DGKA: variants seen among roughly 807,000 people sequenced by gnomAD.
DGKA encodes diacylglycerol kinase alpha, also known as 80 kDa diacylglycerol kinase.
In DGKA, 35 loss-of-function variants were observed where a neutral mutation model predicts 105.0. That is an observed-to-expected ratio of 0.33 (90% CI 0.25 to 0.44). The LOEUF is 0.44. Among genes scored for constraint, DGKA ranks in the 20% least tolerant of loss-of-function variants. The pLI, the probability that DGKA is intolerant of heterozygous loss-of-function variation, is 1.00. For missense variants in DGKA, 665 were observed against 915.0 expected, an observed-to-expected ratio of 0.73 and a Z score of 3.53; for synonymous variants, 296 against 332.0, an observed-to-expected ratio of 0.89 and a Z score of 1.18.
chr12:55,927,788 G>A (rs1883223668), upstream of DGKA: 1 of 1,537,000 alleles, frequency 6.5e-7, no homozygotes, highest in East Asian at 2.4e-5. Context: ...GACCAGGTTG[G>A]GCGGGCGGCC....
In DGKA at chr12:55,937,948, C is replaced by T. The variant is rs751812250; in HGVS notation, c.275-30C>T. 7.5e-6 allele frequency: 12 copies of T among 1,605,316 alleles called. No homozygotes were observed. The South Asian group carries it at 1.3e-4, about 18-fold the overall frequency. Reference sequence around the variant, plus strand: ...AACATGAGCCAAAGTGGAGGGAGCCCTGACTTCTGATCTGCTTTTTTGTAA... The same window carrying T: ...AACATGAGCCAAAGTGGAGGGAGCCTTGACTTCTGATCTGCTTTTTTGTAA... On this transcript the variant is annotated intron_variant, in intron 4 of 23. Coordinates refer to ENST00000331886, the MANE Select transcript of DGKA (RefSeq NM_001345.5).
chr12:55,952,677 T>C lies in DGKA; in HGVS notation c.1744-57T>C. ...GAGGGAGCGATCACATCTATGATCA[T>C]GCCATGAGGTGAGGATCTGTACCCT... On this transcript the variant is annotated intron_variant, in intron 20 of 23. Transcript: ENST00000331886. This position sits in a 1 kb window ranked among gnomAD's most constrained non-coding sequence, Gnocchi z 5.1. The C allele has an allele frequency of 1.3e-6, 2 of 1,585,418 alleles. No homozygotes were observed. The highest frequency in any genetic ancestry group is 2.2e-5 in the South Asian group (2 of 90,278).
chr12:55,948,794 T>C (rs575038655), intron 17 of DGKA, among the ~76,000 whole-genome samples: 57 of 150,770 alleles, frequency 3.8e-4, no homozygotes, highest in Non-Finnish European at 6.8e-4. Flanking sequence ...GAGGCCAAGG[T>C]GGGTGGATCA....
rs573640852 is a variant in DGKA at position 55,941,381 on chromosome 12, C to T, written c.1175+56C>T. 8 of 1,594,276 alleles carry T rather than the reference C, an allele frequency of 5.0e-6. No individual in the cohort carries two copies. The Admixed American group carries it at 8.4e-5, about 17-fold the overall frequency. ...TGAGAGGCAGGGCCTGCCTGCAACA[C>T]TTAGAAGGTGGAAGGGGATGTGTGT... On this transcript the variant is annotated intron_variant, in intron 14 of 23. Coordinates refer to ENST00000331886, the MANE Select transcript of DGKA (RefSeq NM_001345.5).
intron 2 of DGKA, chr12:55,936,816 G>C (rs1884835349): frequency 1.3e-6 from 1 of 797,020 alleles, no homozygotes; most frequent in African/African-American, 1.7e-5. Flanking sequence ...GCTATACCTG[G>C]ACTGCTTGCT....
chr12:55,938,835 G>A, intron 6 of DGKA, 80 bp from the exon 7 acceptor site: 2 of 1,591,724 alleles, frequency 1.3e-6, no homozygotes, highest in Non-Finnish European at 1.7e-6. Context: ...GTGGAACCCA[G>A]GAACACTGAT....
At position 55,940,647 on chromosome 12, in the gene DGKA, G is replaced by T; in HGVS notation, c.942G>T (p.Ala314=). 6.3e-7 allele frequency: 1 copy of T among 1,587,330 alleles called. No individual in the cohort carries two copies. Among genetic ancestry groups the T allele is most frequent in the Non-Finnish European group, 8.6e-7 (1 of 1,169,416 alleles). The change falls in exon 12 of 24, where the codon GCG becomes GCT. Residue 314 remains alanine, a synonymous_variant. Transcript: ENST00000331886. The surrounding 1 kb of genome is among the most constrained non-coding windows in gnomAD (Gnocchi z 4.3). ...AGATCCACGATGACTGCCTGCAAGC[G>T]GTGGGCCATGAGTGTGACTGTGGGC... ...HLEIHDDCLQ[A]VGHECDCGLL...
intron 2 of DGKA, 187 bp downstream of exon 2, chr12:55,936,754 C>A: frequency 1.1e-6 from 1 of 937,516 alleles, no homozygotes; most frequent in South Asian, 1.3e-5. Context: ...CCGGATCTAC[C>A]ACAGTCTAAC....
intron 17 of DGKA, among the ~76,000 whole-genome samples, chr12:55,947,462 A>T (rs549594516): frequency 3.3e-5 from 5 of 152,290 alleles, no homozygotes; most frequent in African/African-American, 1.2e-4. Flanking sequence ...ACACAAACTA[A>T]CATGTATTTA....
intron 17 of DGKA, among the ~76,000 whole-genome samples, chr12:55,948,288 T>C (rs1887442211): frequency 6.6e-6 from 1 of 151,334 alleles, no homozygotes; most frequent in African/African-American, 2.4e-5. Flanking sequence ...TAATCCCAGC[T>C]ACTCAGTAGG....
At chr12:55,935,644 C>T (rs1884486376) in intron 1 of DGKA, 1 of 152,456 alleles carries the variant, frequency 6.6e-6, no homozygotes, top group Non-Finnish European at 1.5e-5. Context: ...GGGTAGAGTC[C>T]TTTCTCTAGG....
chr12:55,948,158 T>G (rs549655838), intron 17 of DGKA, among the ~76,000 whole-genome samples: 2 of 151,726 alleles, frequency 1.3e-5, no homozygotes, highest in African/African-American at 4.8e-5. Flanking sequence ...TCCCAGCACT[T>G]TGGGAGGCCA....
Position 55,953,779 on chromosome 12 carries a change from C to T in DGKA, c.*11C>T. On this transcript the variant is annotated 3_prime_UTR_variant, in exon 24 of 24. Transcript: ENST00000331886. ...GGCTTCTTGAGCTAAGGGGGACACC[C>T]TTGGCCTCCAAGCCAGCCTTGAACC... 6.2e-7 allele frequency: 1 copy of T among 1,613,798 alleles called. No homozygotes were observed. The highest frequency in any genetic ancestry group is 8.5e-7 in the Non-Finnish European group (1 of 1,179,714).
intron 17 of DGKA, among the ~76,000 whole-genome samples, chr12:55,950,177 G>A (rs941726715): frequency 1.3e-5 from 2 of 151,888 alleles, no homozygotes; most frequent in Non-Finnish European, 2.9e-5. Context: ...GTTTCACCAT[G>A]TTGGCCAGGC....
chr12:55,944,633 C>G (rs1592715846), intron 17 of DGKA, among the ~76,000 whole-genome samples: 1 of 151,528 alleles, frequency 6.6e-6, no homozygotes, highest in South Asian at 2.1e-4. Flanking sequence ...ATGATGAATA[C>G]AGAAGCCAAG....
upstream of DGKA, chr12:55,927,602 C>G (rs1883218952): frequency 3.9e-6 from 5 of 1,287,638 alleles, no homozygotes; most frequent in Non-Finnish European, 4.3e-6. Flanking sequence ...GTTGGAGACC[C>G]TATCTAACCC....
upstream of DGKA, chr12:55,927,888 C>G: frequency 8.0e-7 from 1 of 1,248,854 alleles, no homozygotes; most frequent in East Asian, 2.6e-5. Flanking sequence ...ACCTCCTAAC[C>G]CTGAGTGCCT....
upstream of DGKA, chr12:55,927,676 AGACCCGCGGGAGGGGC>A: frequency 6.5e-7 from 1 of 1,536,596 alleles, no homozygotes; most frequent in Non-Finnish European, 8.7e-7. Context: ...CAACCACCAG[AGACCCGCGGGAGGGGC>A]GTGCAAGGCG....
chr12:55,936,776 G>A (rs776613773), intron 2 of DGKA: 9 of 885,080 alleles, frequency 1.0e-5, no homozygotes, highest in Admixed American at 1.9e-5. Context: ...GGGCTGCATT[G>A]TGCAAGGTCT....
Sources: gnomAD v4.1 joint callset for allele counts (sites outside exome capture counted in the v4.1 genomes callset) on GRCh38, gnomAD v4.1.1 for gene constraint, Gnocchi (gnomAD v3.1) non-coding constraint, MANE v1.5 for transcripts, NCBI Gene and HGNC (gene_info 2026-07-23, HGNC 2026-07-21) for gene names.